TP53BP2: variants seen among roughly 807,000 people sequenced by gnomAD.
TP53BP2 encodes the protein tumor protein p53 binding protein 2, also known as apoptosis-stimulating of p53 protein 2.
In TP53BP2, 62 loss-of-function variants were observed where a neutral mutation model predicts 126.2. That is an observed-to-expected ratio of 0.49 (90% CI 0.40 to 0.61). TP53BP2 has a LOEUF of 0.61. Ranked by LOEUF, TP53BP2 falls within the 20% of genes least tolerant of loss-of-function variation. TP53BP2 has a pLI of 0.00. For missense variants in TP53BP2, 1,215 were observed against 1,402.8 expected, an observed-to-expected ratio of 0.87 and a Z score of 2.14; for synonymous variants, 485 against 502.9, an observed-to-expected ratio of 0.96 and a Z score of 0.48.
Position 223,802,228 on chromosome 1 carries a change from CA to C in TP53BP2, c.1112del (p.Leu371CysfsTer3). The C allele has an allele frequency of 6.2e-7, 1 of 1,614,192 alleles. No homozygotes were observed. The highest frequency in any genetic ancestry group is 8.5e-7 in the Non-Finnish European group (1 of 1,180,020). On this transcript the variant is annotated frameshift_variant, in exon 9 of 18. Transcript: ENST00000343537. LOFTEE classifies it high-confidence loss of function. The part of the protein sequence containing the change: ...TMPRMPSRPE[L>X]LVKPALPDGS... ...CATCCGGCAGGGCTGGCTTCACCAGCAATTCAGGCCTTGAGGGCATCCGAGG... is the reference window on the plus strand; with the variant it reads ...CATCCGGCAGGGCTGGCTTCACCAGCATTCAGGCCTTGAGGGCATCCGAGG...
rs984610942 is a variant in TP53BP2 at position 223,834,875 on chromosome 1, T to C, written c.27+10779A>G. On this transcript the variant is annotated intron_variant, in intron 1 of 17. Coordinates refer to ENST00000343537, the MANE Select transcript of TP53BP2 (RefSeq NM_001031685.3). ...GTTCTCTTTGCTTCTCTGACAACCA[T>C]TCACACTGTAGTTGTCTGTATCCCT... is the stretch of plus-strand genomic sequence containing the variant. 1.3e-5 allele frequency: 13 copies of C among 984,990 alleles called. No homozygotes were observed. The African/African-American group carries it at 1.9e-4, about 15-fold the overall frequency. The allele number at this position is 984,990 out of a possible 1,614,324, so 61.0% of individuals were successfully genotyped here. A position where few individuals can be genotyped will look rare whatever the true frequency, so the allele number is the denominator to read the frequency against.
chr1:223,835,296 A>C (rs147806533), intron 1 of TP53BP2, among the ~76,000 whole-genome samples: 1 of 152,224 alleles, frequency 6.6e-6, no homozygotes, highest in Non-Finnish European at 1.5e-5. Flanking sequence ...CTGAATTTAG[A>C]TAAGTTTCAA....
At chr1:223,794,138 C>A (rs1662238344) in intron 13 of TP53BP2, among the ~76,000 whole-genome samples, 1 of 151,724 alleles carries the variant, frequency 6.6e-6, no homozygotes, top group Non-Finnish European at 1.5e-5. Context: ...CCAGCTTAAA[C>A]TTTTAATGAA....
intron 5 of TP53BP2, among the ~76,000 whole-genome samples, chr1:223,804,938 C>T (rs1029737781): frequency 6.6e-6 from 1 of 152,158 alleles, no homozygotes; most frequent in African/African-American, 2.4e-5. Context: ...AATAAATGGT[C>T]ACTGAAAAGA....
chr1:223,840,349 G>A (rs1314570294), intron 1 of TP53BP2, among the ~76,000 whole-genome samples: 1 of 152,134 alleles, frequency 6.6e-6, no homozygotes, highest in African/African-American at 2.4e-5. Context: ...AATTACATCT[G>A]ATTAAACAGA....
At chr1:223,807,707 T>C (rs1298276005) in intron 4 of TP53BP2, among the ~76,000 whole-genome samples, 1 of 152,110 alleles carries the variant, frequency 6.6e-6, no homozygotes, top group South Asian at 2.1e-4. Flanking sequence ...ATACCATTTA[T>C]AGTATCAAAA....
chr1:223,781,311 T>C (rs1661770553), intron 17 of TP53BP2, among the ~76,000 whole-genome samples: 1 of 152,256 alleles, frequency 6.6e-6, no homozygotes. Flanking sequence ...CTTTTACCTT[T>C]ATTCACAATG....
rs778594168 is a variant in TP53BP2 at position 223,793,488 on chromosome 1, GAAC to G, written c.2725-51_2725-49del. The G allele has an allele frequency of 8.2e-6, 12 of 1,455,832 alleles. No homozygotes were observed. The African/African-American group carries it at 1.4e-4, about 18-fold the overall frequency. The allele number at this position is 1,455,832 out of a possible 1,614,324, so 90.2% of individuals were successfully genotyped here. ...ATTTAGGATCCTCGTCTATGCAAGA[GAAC>G]AACAGCAGCAAATGGGAAGGAATGA... On this transcript the variant is annotated intron_variant, in intron 13 of 17. Transcript: ENST00000343537.
At chr1:223,812,105 A>G (rs990610675) in intron 3 of TP53BP2, among the ~76,000 whole-genome samples, 4 of 152,154 alleles carry the variant, frequency 2.6e-5, no homozygotes, top group Non-Finnish European at 5.9e-5. Flanking sequence ...AAAAAAATAC[A>G]TGTTTACTTA....
At position 223,821,421 on chromosome 1, in the gene TP53BP2, A is replaced by G. The variant is rs189631742; in HGVS notation, c.28-54T>C. On this transcript the variant is annotated intron_variant, in intron 1 of 17. Coordinates refer to ENST00000343537, the MANE Select transcript of TP53BP2 (RefSeq NM_001031685.3). The stretch of plus-strand genomic sequence containing the variant: ...ACTGGTACTGTCTGCCTAATGTGGT[A>G]TTCACCTTAAATTCCTTTCTCCAAA... The G allele has an allele frequency of 2.9e-5, 47 of 1,607,332 alleles. No individual in the cohort carries two copies. In the African/African-American group the frequency reaches 5.3e-4, roughly 18 times the overall value.
At chr1:223,833,779 A>C (rs1459239561) in intron 1 of TP53BP2, among the ~76,000 whole-genome samples, 1 of 152,198 alleles carries the variant, frequency 6.6e-6, no homozygotes, top group Non-Finnish European at 1.5e-5. Context: ...GTTAGTACTT[A>C]CTAAATACCT....
In TP53BP2 at chr1:223,788,990, G is replaced by T; in HGVS notation, c.3163+18C>A. 6.2e-7 allele frequency: 1 copy of T among 1,610,864 alleles called. No individual in the cohort carries two copies. The highest frequency in any genetic ancestry group is 2.2e-5 in the East Asian group (1 of 44,850). ...ATGAATGCAGTAATCAATACATTTA[G>T]TTCTACTTGTCACATACCATAAAGA... On this transcript the variant is annotated intron_variant, in intron 16 of 17. Transcript: ENST00000343537.
intron 7 of TP53BP2, 129 bp downstream of exon 7, chr1:223,803,142 G>A (rs1229097430): frequency 3.4e-6 from 4 of 1,169,802 alleles, no homozygotes; most frequent in Non-Finnish European, 4.8e-6. Context: ...CTGGAGTTTG[G>A]GTTCCCCCCA....
chr1:223,786,472 G>GT (rs767506456), intron 16 of TP53BP2, among the ~76,000 whole-genome samples: 42 of 151,874 alleles, frequency 2.8e-4, no homozygotes, highest in Non-Finnish European at 7.4e-5. Context: ...TATCCCTAAT[G>GT]TTTAAAAAAA....
rs1558095584 is a variant in TP53BP2 at position 223,802,801 on chromosome 1, T to C, written c.926A>G (p.Lys309Arg). The C allele has an allele frequency of 6.2e-7, 1 of 1,614,206 alleles. No homozygotes were observed. Among genetic ancestry groups the C allele is most frequent in the Non-Finnish European group, 8.5e-7 (1 of 1,180,024 alleles). Residue 309 changes from lysine (K) to arginine (R), a missense_variant, in exon 8 of 18, where the codon AAG (lysine) becomes AGG (arginine). Coordinates refer to ENST00000343537, the MANE Select transcript of TP53BP2 (RefSeq NM_001031685.3). ...CCGGTCCCTCAGCTCATTAACACGCTTATCCATGACTGCCACTTCTGAATT... is the reference window on the plus strand; with the variant it reads ...CCGGTCCCTCAGCTCATTAACACGCCTATCCATGACTGCCACTTCTGAATT... ...KRNSEVAVMDKRVNELRDRLW... is the reference protein window; with the variant it reads ...KRNSEVAVMDRRVNELRDRLW...
chr1:223,843,815 T>C (rs980213100), intron 1 of TP53BP2, among the ~76,000 whole-genome samples: 2 of 152,192 alleles, frequency 1.3e-5, no homozygotes, highest in Non-Finnish European at 2.9e-5. Flanking sequence ...TATTTTCAAA[T>C]ATCCAAAATA....
chr1:223,804,041 C>T (rs949032918), intron 6 of TP53BP2, 133 bp downstream of exon 6: 14 of 877,706 alleles, frequency 1.6e-5, no homozygotes, highest in Admixed American at 1.2e-4. Context: ...CCCAGCTACT[C>T]AGGAGGCTGA....
At chr1:223,819,543 G>T (rs967724762) in intron 2 of TP53BP2, among the ~76,000 whole-genome samples, 1 of 151,888 alleles carries the variant, frequency 6.6e-6, no homozygotes, top group African/African-American at 2.4e-5. Flanking sequence ...AAAATTAGGC[G>T]GGCATGGGGG....
At chr1:223,786,558 A>G (rs1661960773) in intron 16 of TP53BP2, among the ~76,000 whole-genome samples, 1 of 148,316 alleles carries the variant, frequency 6.7e-6, no homozygotes, top group Non-Finnish European at 1.5e-5. Context: ...CACATTATAT[A>G]TATGTGTGTG....
Sources: allele counts gnomAD v4.1 joint callset (sites outside exome capture counted in the v4.1 genomes callset), GRCh38; gene constraint gnomAD v4.1.1; transcripts MANE v1.5; gene names NCBI Gene and HGNC (gene_info 2026-07-23, HGNC 2026-07-21).